The following HK1 variants were observed in gnomAD, a reference collection of about 807,000 sequenced individuals.
The protein encoded by HK1 is hexokinase 1, also known as hexokinase-1.
In HK1, 28 loss-of-function variants were observed where a neutral mutation model predicts 91.6. The observed-to-expected ratio is 0.31, with a 90% CI of 0.23 to 0.42. The LOEUF is 0.42. Among genes scored for constraint, HK1 ranks in the 10% least tolerant of loss-of-function variants. The pLI is 1.00. For synonymous variants in HK1, 430 were observed against 468.1 expected, an observed-to-expected ratio of 0.92 and a Z score of 1.05; for missense variants, 770 against 1,219.8, an observed-to-expected ratio of 0.63 and a Z score of 5.49.
In HK1 at chr10:69,369,348, C is replaced by G; in HGVS notation, c.691+12C>G. On this transcript the variant is annotated intron_variant, in intron 6 of 17. Transcript: ENST00000359426. This position sits in a 1 kb window ranked among gnomAD's most constrained non-coding sequence, Gnocchi z 4.4. ...CGGCCTGATCATCGGTAATGCATTC[C>G]CCTTTGCCCATCCATTTGTTCGGCC... 2 of 1,613,388 alleles carry G rather than the reference C, an allele frequency of 1.2e-6. No homozygotes were observed. The highest frequency in any genetic ancestry group is 2.2e-5 in the South Asian group (2 of 91,066).
chr10:69,317,790 A>G (rs1036204102), upstream of HK1, among the ~76,000 whole-genome samples: 1 of 152,226 alleles, frequency 6.6e-6, no homozygotes, highest in Admixed American at 6.5e-5. Flanking sequence ...CAGAATAGCA[A>G]CAACTTGTTT....
chr10:69,362,150 A>G (rs959063892), intron 3 of HK1, among the ~76,000 whole-genome samples: 3 of 152,232 alleles, frequency 2.0e-5, no homozygotes, highest in African/African-American at 7.2e-5. Flanking sequence ...TAGTTGTGGG[A>G]ATTTTGAATA....
At chr10:69,320,563 C>T (rs1846956106) in intron 1 of HK1, among the ~76,000 whole-genome samples, 1 of 152,118 alleles carries the variant, frequency 6.6e-6, no homozygotes, top group Admixed American at 6.5e-5. Flanking sequence ...ATGTTCTTCC[C>T]ATTGGACCAG....
chr10:69,358,850 C>A (rs188482872), intron 2 of HK1, among the ~76,000 whole-genome samples: 17 of 139,294 alleles, frequency 1.2e-4, no homozygotes, highest in African/African-American at 4.1e-4. Context: ...GCAACAAGAG[C>A]GAAGCTCTGT....
upstream of HK1, among the ~76,000 whole-genome samples, chr10:69,311,335 G>A (rs1364917272): frequency 6.6e-6 from 1 of 152,150 alleles, no homozygotes; most frequent in African/African-American, 2.4e-5. Context: ...AGGAGAGGTT[G>A]AATCAGATGA....
At chr10:69,361,746 C>T (rs561588049) in intron 3 of HK1, among the ~76,000 whole-genome samples, 1 of 152,298 alleles carries the variant, frequency 6.6e-6, no homozygotes, top group South Asian at 2.1e-4. Context: ...TTCCTCTCCT[C>T]CTTTTAAGCA....
At chr10:69,375,698 A>G (rs1177517314) in intron 7 of HK1, among the ~76,000 whole-genome samples, 1 of 152,094 alleles carries the variant, frequency 6.6e-6, no homozygotes, top group African/African-American at 2.4e-5. Context: ...CCCGCAGAGG[A>G]GCGGCGGGCT....
In HK1 at chr10:69,341,309, G is replaced by T. The variant is rs375644025; in HGVS notation, c.64-2518G>T. On this transcript the variant is annotated intron_variant, in intron 1 of 17. Coordinates refer to ENST00000359426, the MANE Select transcript of HK1 (RefSeq NM_000188.3). ...CCCGAGTAGCTGGGACTACAGGGGC[G>T]TATCACCACGCCTGGCTAATTTTTG... Among the ~76,000 whole-genome samples the T allele has an allele frequency of 1.7e-4, 26 of 151,798 alleles. No homozygotes were observed. The East Asian group carries it at 2.1e-3, about 12-fold the overall frequency.
intron 1 of HK1, 29 bp downstream of exon 1, chr10:69,319,039 C>A: frequency 6.3e-7 from 1 of 1,583,408 alleles, no homozygotes; most frequent in Non-Finnish European, 8.6e-7. Context: ...CGCCGCTGGT[C>A]CTGGCCGCAG....
rs75478620 is a variant in HK1, at chr10:69,392,915, C to G, written c.2219+607C>G. Among the ~76,000 whole-genome samples, 1,309 of 152,338 alleles carry G rather than the reference C, an allele frequency of 8.6e-3. 18 individuals are homozygous for G. The highest frequency in any genetic ancestry group is 0.03 in the African/African-American group (1,240 of 41,582). On this transcript the variant is annotated intron_variant, in intron 15 of 17. Transcript: ENST00000359426. ...CTCCCTAGCCCCCTCAAGGTTTTTG[C>G]CTTTTCTAAATACCACCCATGCTGT...
chr10:69,352,233 TCCAC>T (rs1848912568), intron 2 of HK1, among the ~76,000 whole-genome samples: 1 of 152,102 alleles, frequency 6.6e-6, no homozygotes, highest in African/African-American at 2.4e-5. Flanking sequence ...CCTCAAGTGA[TCCAC>T]CCGCCTCAGC....
upstream of HK1, among the ~76,000 whole-genome samples, chr10:69,317,838 C>T (rs542568434): frequency 1.3e-5 from 2 of 152,362 alleles, no homozygotes; most frequent in South Asian, 2.1e-4. Context: ...TTGTAAGGCA[C>T]TAAAGCTCCT....
intron 2 of HK1, among the ~76,000 whole-genome samples, chr10:69,351,046 G>A (rs1259533895): frequency 6.6e-6 from 1 of 150,846 alleles, no homozygotes; most frequent in Non-Finnish European, 1.5e-5. Flanking sequence ...GTGGTGGCGG[G>A]CTCCTGTAGT....
chr10:69,377,282 A>G (rs1436373595), intron 8 of HK1, among the ~76,000 whole-genome samples, 193 bp downstream of exon 8: 4 of 152,136 alleles, frequency 2.6e-5, no homozygotes, highest in Non-Finnish European at 5.9e-5. Flanking sequence ...GCGGTTCATT[A>G]AAGAATGACA....
Position 69,369,201 on chromosome 10 carries a change from G to A in HK1, c.592-36G>A. 1.3e-6 allele frequency: 2 copies of A among 1,482,074 alleles called. No homozygotes were observed. Among genetic ancestry groups the A allele is most frequent in the Non-Finnish European group, 1.9e-6 (2 of 1,059,646 alleles). 91.8% of individuals were successfully genotyped at this position (1,482,074 alleles called of 1,614,324 possible). On this transcript the variant is annotated intron_variant, in intron 5 of 17. Transcript: ENST00000359426. The surrounding 1 kb of genome is among the most constrained non-coding windows in gnomAD (Gnocchi z 4.4). ...AGGTGTGTGATCTCTGCTCCCATGT[G>A]TGAGTGGACAATGACACCCCGTTAT... is the stretch of plus-strand genomic sequence containing the variant.
chr10:69,326,765 G>A (rs1210173298), intron 1 of HK1, among the ~76,000 whole-genome samples: 2 of 152,148 alleles, frequency 1.3e-5, no homozygotes, highest in Non-Finnish European at 2.9e-5. Context: ...CACAGTTGAA[G>A]CCCTTTCTAT....
chr10:69,316,861 C>T (rs1222442384), upstream of HK1, among the ~76,000 whole-genome samples: 1 of 152,202 alleles, frequency 6.6e-6, no homozygotes, highest in African/African-American at 2.4e-5. Flanking sequence ...GTTTCCAGCC[C>T]TGTGAGCTTG....
chr10:69,345,292 A>G (rs1848493316), intron 2 of HK1, among the ~76,000 whole-genome samples: 1 of 152,164 alleles, frequency 6.6e-6, no homozygotes, highest in Non-Finnish European at 1.5e-5. Flanking sequence ...GGTGTTGATT[A>G]CTAGCACCTA....
At chr10:69,282,944 C>G (rs1401802220) in intron 2 of HK1, among the ~76,000 whole-genome samples, 1 of 143,696 alleles carries the variant, frequency 7.0e-6, no homozygotes, top group African/African-American at 2.5e-5. Flanking sequence ...TGGTGAAACC[C>G]CTTCTCTACT....
Sources: gnomAD v4.1 joint callset for allele counts (sites outside exome capture counted in the v4.1 genomes callset) on GRCh38, gnomAD v4.1.1 for gene constraint, Gnocchi (gnomAD v3.1) non-coding constraint, MANE v1.5 for transcripts, NCBI Gene and HGNC (gene_info 2026-07-23, HGNC 2026-07-21) for gene names.